PKNOX1: variants seen among roughly 807,000 people sequenced by gnomAD.
The protein encoded by PKNOX1 is PBX/knotted 1 homeobox 1, also known as homeobox protein PKNOX1.
PKNOX1 carries 15 observed loss-of-function variants against 51.9 expected under a neutral mutation model. The ratio of observed to expected loss-of-function variants is 0.29; its 90% CI spans 0.19 to 0.45. The LOEUF is 0.45. Ranked by LOEUF, PKNOX1 falls within the 20% of genes least tolerant of loss-of-function variation. PKNOX1 has a pLI of 1.00. For synonymous variants in PKNOX1, 219 were observed against 211.1 expected (o/e 1.04, Z -0.32); for missense variants, 462 against 547.5 (o/e 0.84, Z 1.56).
chr21:42,989,286 A>G (rs921830451), intron 1 of PKNOX1, among the ~76,000 whole-genome samples: 1 of 140,874 alleles, frequency 7.1e-6, no homozygotes, highest in Non-Finnish European at 1.6e-5. Context: ...GCCTATCCCC[A>G]ACCTGTTTTT....
chr21:42,987,404 A>AATATATATATAT (rs1170402960), intron 1 of PKNOX1, among the ~76,000 whole-genome samples: 17 of 41,418 alleles, frequency 4.1e-4, no homozygotes, highest in Non-Finnish European at 5.3e-4. Flanking sequence ...AAAAAAAAAA[A>AATATATATATAT]ATATATATAT....
At chr21:42,994,636 ATTTATG>A (rs895004538) in intron 1 of PKNOX1, among the ~76,000 whole-genome samples, 4 of 151,892 alleles carry the variant, frequency 2.6e-5, no homozygotes, top group African/African-American at 9.7e-5. Flanking sequence ...GACCCAATTT[ATTTATG>A]TTTATATTTT....
intron 4 of PKNOX1, among the ~76,000 whole-genome samples, chr21:43,012,358 G>A (rs1218466237): frequency 6.6e-6 from 1 of 152,154 alleles, no homozygotes; most frequent in Admixed American, 6.5e-5. Flanking sequence ...TCAGGAGTTC[G>A]TGAACAGCCT....
intron 1 of PKNOX1, among the ~76,000 whole-genome samples, chr21:42,982,119 C>G (rs2059029794): frequency 6.6e-6 from 1 of 152,218 alleles, no homozygotes; most frequent in African/African-American, 2.4e-5. Context: ...GCTCTTTCCC[C>G]TCACACCACC....
Position 43,029,913 on chromosome 21 carries a change from C to T in PKNOX1, c.1123C>T (p.Pro375Ser). ...AGGAGCTGTTGTCACCATCACCACGCCCGTGAACATGAACGTGGACAGCCT... is the reference window on the plus strand; with the variant it reads ...AGGAGCTGTTGTCACCATCACCACGTCCGTGAACATGAACGTGGACAGCCT... ...SEGAVVTITT[P>S]VNMNVDSLQS... The change falls in exon 11 of 11, where the codon CCC becomes TCC. Residue 375 changes from proline to serine, a missense_variant. Physicochemically the swap from Pro to Ser is moderately conservative, Grantham distance 74. Transcript: ENST00000291547. The T allele has an allele frequency of 5.0e-6, 8 of 1,614,092 alleles. No individual in the cohort carries two copies. Among genetic ancestry groups the T allele is most frequent in the Non-Finnish European group, 5.9e-6 (7 of 1,179,952 alleles).
Position 42,994,918 on chromosome 21 carries a change from CTTT to C in PKNOX1, c.-56-9389_-56-9387del, listed in dbSNP as rs11361350. 4.0e-3 allele frequency among the ~76,000 whole-genome samples: 457 copies of C among 113,564 alleles called. 3 individuals are homozygous for C. Among genetic ancestry groups the C allele is most frequent in the African/African-American group, 0.014 (412 of 29,182 alleles). 74.5% of individuals were successfully genotyped at this position (113,564 alleles called of 152,430 possible). A position where few individuals can be genotyped will look rare whatever the true frequency, so the allele number is the denominator to read the frequency against. ...TTCTTTTCTTTTCTTTTTCTTTCTT[CTTT>C]TTTTTTTTTTTTTTTTTTAAGACAG... is the stretch of plus-strand genomic sequence containing the variant. On this transcript the variant is annotated intron_variant, in intron 1 of 10. Coordinates refer to ENST00000291547, the MANE Select transcript of PKNOX1 (RefSeq NM_004571.5).
At chr21:42,996,360 T>A (rs1298125544) in intron 1 of PKNOX1, among the ~76,000 whole-genome samples, 1 of 152,142 alleles carries the variant, frequency 6.6e-6, no homozygotes, top group Non-Finnish European at 1.5e-5. Context: ...TGCAGGGGGT[T>A]CTGGCTGAAC....
chr21:42,987,347 A>G (rs1187447594), intron 1 of PKNOX1, among the ~76,000 whole-genome samples: 2 of 134,512 alleles, frequency 1.5e-5, no homozygotes, highest in African/African-American at 5.7e-5. Flanking sequence ...GTGCCATTAC[A>G]CTCCAGCCTG....
In PKNOX1 at chr21:43,030,130, G is replaced by A. The variant is rs780319101; in HGVS notation, c.*29G>A. Reference sequence around the variant, plus strand: ...CAGGAGCAGACGCACCTGACTTTTTGGAGTTTGCACAGCAAACATTTTACA... The same window carrying A: ...CAGGAGCAGACGCACCTGACTTTTTAGAGTTTGCACAGCAAACATTTTACA... On this transcript the variant is annotated 3_prime_UTR_variant, in exon 11 of 11. Coordinates refer to ENST00000291547, the MANE Select transcript of PKNOX1 (RefSeq NM_004571.5). 6.6e-7 allele frequency: 1 copy of A among 1,518,304 alleles called. No individual in the cohort carries two copies. Among genetic ancestry groups the A allele is most frequent in the Non-Finnish European group, 9.0e-7 (1 of 1,111,790 alleles). The allele number at this position is 1,518,304 out of a possible 1,614,324, so 94.1% of individuals were successfully genotyped here. A position where few individuals can be genotyped will look rare whatever the true frequency, so the allele number is the denominator to read the frequency against.
chr21:43,010,871 AAAAATAAAAT>A (rs551350083), intron 4 of PKNOX1, among the ~76,000 whole-genome samples: 83 of 152,032 alleles, frequency 5.5e-4, no homozygotes, highest in African/African-American at 1.5e-3. Context: ...CTCAAAAAAT[AAAAATAAAAT>A]AAAATAAAAT....
rs554159530 is a variant in PKNOX1 at position 42,990,225 on chromosome 21, C to T, written c.-56-14101C>T. Among the ~76,000 whole-genome samples the T allele has an allele frequency of 1.8e-3, 277 of 152,244 alleles. 6 individuals carry two copies. Among genetic ancestry groups the T allele is most frequent in the South Asian group, 5.6e-3 (27 of 4,816 alleles). On this transcript the variant is annotated intron_variant, in intron 1 of 10. Coordinates refer to ENST00000291547, the MANE Select transcript of PKNOX1 (RefSeq NM_004571.5). ...AGTGAGCCGAGATCACACCACTGCA[C>T]TCCAGCCCGGGTGACAGAGCAAGAC...
chr21:43,009,556 A>G (rs563330900), intron 3 of PKNOX1, among the ~76,000 whole-genome samples: 2 of 134,708 alleles, frequency 1.5e-5, no homozygotes, highest in Admixed American at 1.7e-4. Context: ...GGTTGCAGTG[A>G]CCCGAGATCG....
chr21:42,984,135 T>G (rs1189078963), intron 1 of PKNOX1, among the ~76,000 whole-genome samples: 1 of 152,012 alleles, frequency 6.6e-6, no homozygotes, highest in Non-Finnish European at 1.5e-5. Flanking sequence ...TCTCATGATG[T>G]TGTCCAGGCT....
intron 1 of PKNOX1, among the ~76,000 whole-genome samples, chr21:42,975,000 C>G (rs1336018753): frequency 2.0e-5 from 3 of 146,486 alleles, no homozygotes; most frequent in Admixed American, 6.8e-5. Flanking sequence ...CTGATCGAAG[C>G]GCGCGCTCCT....
intron 1 of PKNOX1, among the ~76,000 whole-genome samples, chr21:43,002,577 G>A (rs772651619): frequency 1.3e-4 from 20 of 152,170 alleles, no homozygotes; most frequent in Non-Finnish European, 2.4e-4. Context: ...AGGCTTCTAA[G>A]GTGTAAGTGG....
chr21:42,976,816 TGAATGGCATCTA>T (rs1489856624), intron 1 of PKNOX1, among the ~76,000 whole-genome samples: 1 of 152,236 alleles, frequency 6.6e-6, no homozygotes, highest in Non-Finnish European at 1.5e-5. Flanking sequence ...CCATGAATCA[TGAATGGCATCTA>T]GAATGGCAGA....
At chr21:43,026,750 C>T (rs1979998347) in intron 9 of PKNOX1, among the ~76,000 whole-genome samples, 1 of 151,932 alleles carries the variant, frequency 6.6e-6, no homozygotes, top group Non-Finnish European at 1.5e-5. Flanking sequence ...GGGTGAGACT[C>T]AGTCTCAAAA....
chr21:42,982,451 C>T (rs535874580), intron 1 of PKNOX1, among the ~76,000 whole-genome samples: 13 of 152,160 alleles, frequency 8.5e-5, no homozygotes, highest in African/African-American at 2.4e-4. Flanking sequence ...AGCATAAGGC[C>T]GGGTGCAGTG....
At chr21:43,027,600 A>G (rs958565400) in intron 9 of PKNOX1, among the ~76,000 whole-genome samples, 2 of 152,230 alleles carry the variant, frequency 1.3e-5, no homozygotes, top group African/African-American at 4.8e-5. Context: ...TTTGATATGA[A>G]ACAATGTCCA....
Sources: allele counts gnomAD v4.1 joint callset (sites outside exome capture counted in the v4.1 genomes callset), GRCh38; gene constraint gnomAD v4.1.1; transcripts MANE v1.5; gene names NCBI Gene and HGNC (gene_info 2026-07-23, HGNC 2026-07-21).